EFR3A: variants seen among roughly 807,000 people sequenced by gnomAD.
EFR3A encodes the protein protein EFR3 homolog A.
A neutral mutation model predicts 104.4 loss-of-function variants in EFR3A; 76 were observed. The observed-to-expected ratio is 0.73, with a 90% confidence interval of 0.60 to 0.88. The LOEUF is 0.88. Ranked by LOEUF, EFR3A falls within the 40% of genes least tolerant of loss-of-function variation. The pLI is 0.00. For missense variants in EFR3A, 985 were observed against 1,012.5 expected, an observed-to-expected ratio of 0.97 and a Z score of 0.37; for synonymous variants, 330 against 330.0, an observed-to-expected ratio of 1.00 and a Z score of 0.00.
At chr8:131,968,214 C>T in intron 8 of EFR3A, 81 bp from the exon 9 acceptor site, 1 of 1,369,562 alleles carries the variant, frequency 7.3e-7, no homozygotes, top group African/African-American at 1.5e-5. Flanking sequence ...ATTTACGTGT[C>T]AGGTGTTTTT....
At chr8:131,957,446 G>A (rs945588248) in intron 7 of EFR3A, among the ~76,000 whole-genome samples, 1 of 151,372 alleles carries the variant, frequency 6.6e-6, no homozygotes, top group Non-Finnish European at 1.5e-5. Flanking sequence ...TGCCTCCTGG[G>A]TTCCAGTGAT....
chr8:131,966,769 T>C (rs1819760944), intron 8 of EFR3A, among the ~76,000 whole-genome samples: 1 of 152,168 alleles, frequency 6.6e-6, no homozygotes, highest in Admixed American at 6.5e-5. Flanking sequence ...CTTAAAGCGA[T>C]TCATCTGTTA....
intron 1 of EFR3A, among the ~76,000 whole-genome samples, chr8:131,914,294 A>C (rs941272043): frequency 5.3e-5 from 8 of 152,170 alleles, no homozygotes; most frequent in African/African-American, 1.9e-4. Flanking sequence ...GACTTAAGTG[A>C]CTTGTCATGA....
intron 2 of EFR3A, 70 bp downstream of exon 2, chr8:131,940,645 G>A: frequency 1.3e-6 from 2 of 1,519,894 alleles, no homozygotes; most frequent in Admixed American, 2.2e-5. Flanking sequence ...CCTCCTTAAG[G>A]TTTCCCTAAT....
chr8:131,928,142 AATTG>A (rs758364044), intron 1 of EFR3A, among the ~76,000 whole-genome samples: 27 of 151,536 alleles, frequency 1.8e-4, no homozygotes, highest in Non-Finnish European at 2.8e-4. Context: ...TTATAAACCT[AATTG>A]ATTGGTTGAC....
At chr8:131,988,199 C>T (rs1288898576) in intron 18 of EFR3A, among the ~76,000 whole-genome samples, 2 of 146,336 alleles carry the variant, frequency 1.4e-5, no homozygotes, top group East Asian at 4.2e-4. Flanking sequence ...ATATATTTTC[C>T]CATTGCTTGA....
At chr8:131,912,516 A>G (rs1651630667) in intron 1 of EFR3A, among the ~76,000 whole-genome samples, 1 of 152,202 alleles carries the variant, frequency 6.6e-6, no homozygotes, top group African/African-American at 2.4e-5. Flanking sequence ...AGATTGGTAC[A>G]GCATTTTTAG....
intron 18 of EFR3A, among the ~76,000 whole-genome samples, chr8:131,993,937 G>A (rs1821343010): frequency 6.6e-6 from 1 of 152,112 alleles, no homozygotes; most frequent in Non-Finnish European, 1.5e-5. Context: ...GTTGGAGGGT[G>A]GAGGGTGGGA....
At chr8:131,976,971 C>A in intron 11 of EFR3A, 70 bp from the exon 12 acceptor site, 2 of 1,060,022 alleles carry the variant, frequency 1.9e-6, no homozygotes, top group Admixed American at 2.4e-5. Flanking sequence ...ATTTTAAAAT[C>A]AGTAATTGAA....
intron 10 of EFR3A, among the ~76,000 whole-genome samples, chr8:131,972,665 G>C (rs1820131873): frequency 6.6e-6 from 1 of 151,870 alleles, no homozygotes; most frequent in Admixed American, 6.6e-5. Flanking sequence ...ATAACTAACT[G>C]GTTGCTATGA....
At chr8:132,000,092 A>G (rs1486281204) in intron 19 of EFR3A, among the ~76,000 whole-genome samples, 2 of 152,074 alleles carry the variant, frequency 1.3e-5, no homozygotes, top group African/African-American at 4.8e-5. Context: ...TAAAAAAAAG[A>G]AAAAATGTAG....
chr8:131,935,648 G>A (rs533622971), intron 1 of EFR3A: 34 of 239,520 alleles, frequency 1.4e-4, no homozygotes, highest in East Asian at 8.6e-4. Flanking sequence ...TTAATTCAAA[G>A]CCATACAGTC....
At chr8:131,937,108 C>G (rs964626182) in intron 1 of EFR3A, among the ~76,000 whole-genome samples, 2 of 152,082 alleles carry the variant, frequency 1.3e-5, no homozygotes, top group Non-Finnish European at 2.9e-5. Flanking sequence ...CACAATGACA[C>G]TTGGCACTTT....
intron 19 of EFR3A, chr8:132,000,617 T>C (rs1188169035): frequency 1.3e-5 from 2 of 152,364 alleles, no homozygotes; most frequent in East Asian, 3.9e-4. Flanking sequence ...TTCTTTTTCC[T>C]CTACTGTAGT....
At chr8:131,994,846 A>G (rs920854998) in intron 18 of EFR3A, among the ~76,000 whole-genome samples, 1 of 152,134 alleles carries the variant, frequency 6.6e-6, no homozygotes, top group African/African-American at 2.4e-5. Context: ...ACAAGTATTT[A>G]TGGAGTACTT....
chr8:132,011,027 G>C lies in EFR3A; in HGVS notation c.*132G>C. ...TGATGGAACATATCTTTAACCAAAT[G>C]TTTGGCATACCATATTAGAAGTTTT... On this transcript the variant is annotated 3_prime_UTR_variant, in exon 23 of 23. Transcript: ENST00000254624. 1 of 1,302,364 alleles carries C rather than the reference G, an allele frequency of 7.7e-7. No homozygotes were observed. The highest frequency in any genetic ancestry group is 9.8e-7 in the Non-Finnish European group (1 of 1,016,474). The allele number at this position is 1,302,364 out of a possible 1,614,324, so 80.7% of individuals were successfully genotyped here. A position where few individuals can be genotyped will look rare whatever the true frequency, so the allele number is the denominator to read the frequency against.
At chr8:131,904,565 A>C (rs529466466) in intron 1 of EFR3A, among the ~76,000 whole-genome samples, 2 of 152,250 alleles carry the variant, frequency 1.3e-5, no homozygotes, top group Non-Finnish European at 2.9e-5. Flanking sequence ...CGCTGTTAGG[A>C]GGCGGCAGAG....
intron 10 of EFR3A, among the ~76,000 whole-genome samples, chr8:131,972,178 T>C (rs1437869341): frequency 1.3e-5 from 2 of 152,284 alleles, no homozygotes; most frequent in South Asian, 2.1e-4. Context: ...ATTACTGTAG[T>C]TAATCATTTT....
chr8:131,964,745 G>A (rs1016111971), intron 8 of EFR3A, among the ~76,000 whole-genome samples: 1 of 152,128 alleles, frequency 6.6e-6, no homozygotes, highest in Non-Finnish European at 1.5e-5. Flanking sequence ...CAAAAAAAGA[G>A]CCCGCATTGC....
Sources: allele counts gnomAD v4.1 joint callset (sites outside exome capture counted in the v4.1 genomes callset), GRCh38; gene constraint gnomAD v4.1.1; transcripts MANE v1.5; gene names NCBI Gene and HGNC (gene_info 2026-07-23, HGNC 2026-07-21).